The following ZNF804A variants were observed in gnomAD, a reference collection of about 807,000 sequenced individuals.
ZNF804A encodes zinc finger protein 804A.
In ZNF804A, 2 loss-of-function variants were observed where a neutral mutation model predicts 16.5. The ratio of observed to expected loss-of-function variants is 0.12; its 90% confidence interval spans 0.05 to 0.38. The LOEUF (loss-of-function observed/expected upper bound fraction) is 0.38, where lower values mean the gene tolerates loss of function less well. ZNF804A is among the 10% of genes least tolerant of loss of function. The probability of loss-of-function intolerance (pLI) is 0.99; values close to 1 mark genes in which losing one functional copy is unlikely to be tolerated. For synonymous variants in ZNF804A, 534 were observed against 489.6 expected, an observed-to-expected ratio of 1.09 and a Z score of -1.20; for missense variants, 1,473 against 1,390.7, an observed-to-expected ratio of 1.06 and a Z score of -0.94.
At chr2:184,620,594 T>C (rs933663424) in intron 1 of ZNF804A, among the ~76,000 whole-genome samples, 3 of 151,778 alleles carry the variant, frequency 2.0e-5, no homozygotes, top group African/African-American at 7.2e-5. Context: ...TGGTAATTTC[T>C]TAGTCATCAG....
chr2:184,694,070 A>C (rs527295098), intron 1 of ZNF804A, among the ~76,000 whole-genome samples: 117 of 151,714 alleles, frequency 7.7e-4, no homozygotes, highest in African/African-American at 2.7e-3. Context: ...CTGGGATTAC[A>C]GGTGTGTGTG....
At chr2:184,766,502 T>A (rs1440593255) in intron 1 of ZNF804A, among the ~76,000 whole-genome samples, 1 of 151,834 alleles carries the variant, frequency 6.6e-6, no homozygotes, top group Non-Finnish European at 1.5e-5. Flanking sequence ...TGTTTTAGAG[T>A]GAATATATAA....
chr2:184,915,542 C>A (rs1267542857), intron 2 of ZNF804A, among the ~76,000 whole-genome samples: 5 of 152,082 alleles, frequency 3.3e-5, no homozygotes, highest in African/African-American at 1.2e-4. Context: ...TTAATCACTG[C>A]CATCCTATGT....
intron 1 of ZNF804A, among the ~76,000 whole-genome samples, chr2:184,815,331 C>T (rs2105788541): frequency 6.6e-6 from 1 of 151,856 alleles, no homozygotes; most frequent in Admixed American, 6.6e-5. Context: ...AAAAATAAAG[C>T]CCTCACTTGG....
intron 1 of ZNF804A, among the ~76,000 whole-genome samples, chr2:184,699,649 A>G (rs751102590): frequency 1.3e-5 from 2 of 152,114 alleles, no homozygotes; most frequent in Non-Finnish European, 2.9e-5. Flanking sequence ...CATGATTGTC[A>G]TATAAAATAT....
intron 1 of ZNF804A, among the ~76,000 whole-genome samples, chr2:184,732,501 T>A (rs912879603): frequency 2.0e-5 from 3 of 152,154 alleles, no homozygotes; most frequent in Non-Finnish European, 4.4e-5. Flanking sequence ...TCTTTATTAC[T>A]GTGTTGGCTA....
At chr2:184,771,785 G>A (rs2105768942) in intron 1 of ZNF804A, among the ~76,000 whole-genome samples, 1 of 152,000 alleles carries the variant, frequency 6.6e-6, no homozygotes, top group African/African-American at 2.4e-5. Context: ...TTACGATGAT[G>A]CCCACTTGCT....
intron 1 of ZNF804A, among the ~76,000 whole-genome samples, chr2:184,782,884 C>T (rs539387816): frequency 3.2e-4 from 48 of 150,128 alleles, no homozygotes; most frequent in African/African-American, 1.1e-3. Flanking sequence ...TAGCATGCTC[C>T]CCATGATGGC....
At chr2:184,615,896 C>T (rs1003734950) in intron 1 of ZNF804A, among the ~76,000 whole-genome samples, 1 of 152,104 alleles carries the variant, frequency 6.6e-6, no homozygotes, top group Non-Finnish European at 1.5e-5. Flanking sequence ...CTAACATCAT[C>T]AGTGAAAAGT....
intron 1 of ZNF804A, among the ~76,000 whole-genome samples, chr2:184,723,404 A>T (rs534575918): frequency 1.1e-3 from 168 of 151,696 alleles, no homozygotes; most frequent in African/African-American, 3.3e-3. Context: ...AAAATGTTTA[A>T]TTTTTTTTAA....
intron 1 of ZNF804A, among the ~76,000 whole-genome samples, chr2:184,690,598 G>A (rs1692711603): frequency 6.6e-6 from 1 of 151,984 alleles, no homozygotes; most frequent in Non-Finnish European, 1.5e-5. Context: ...CTGAAATCAA[G>A]AGAGGGGAAC....
chr2:184,795,611 C>A (rs1314733322), intron 1 of ZNF804A, among the ~76,000 whole-genome samples: 1 of 151,870 alleles, frequency 6.6e-6, no homozygotes, highest in Non-Finnish European at 1.5e-5. Flanking sequence ...CAAAAAGATA[C>A]AAAAGATAAA....
chr2:184,670,395 G>T (rs1370166372), intron 1 of ZNF804A, among the ~76,000 whole-genome samples: 1 of 151,496 alleles, frequency 6.6e-6, no homozygotes, highest in Non-Finnish European at 1.5e-5. Context: ...TTTTTTTCTG[G>T]AACTTTATTA....
At chr2:184,836,829 G>A (rs949842769) in intron 1 of ZNF804A, among the ~76,000 whole-genome samples, 3 of 151,468 alleles carry the variant, frequency 2.0e-5, no homozygotes, top group Non-Finnish European at 2.9e-5. Context: ...TCTCCTTAGC[G>A]TGCCATATGC....
intron 1 of ZNF804A, among the ~76,000 whole-genome samples, chr2:184,752,753 T>C (rs904782427): frequency 1.3e-5 from 2 of 151,586 alleles, no homozygotes; most frequent in African/African-American, 2.4e-5. Flanking sequence ...TGAAAAAATA[T>C]AGTCTAATTA....
intron 1 of ZNF804A, among the ~76,000 whole-genome samples, chr2:184,811,707 T>C (rs567221517): frequency 4.6e-5 from 7 of 152,092 alleles, no homozygotes; most frequent in Non-Finnish European, 8.8e-5. Flanking sequence ...CTGGGCAACA[T>C]AGTGAGACAC....
chr2:184,653,891 A>G (rs913965178), intron 1 of ZNF804A, among the ~76,000 whole-genome samples: 1 of 152,148 alleles, frequency 6.6e-6, no homozygotes, highest in Non-Finnish European at 1.5e-5. Flanking sequence ...ATTTTATTGG[A>G]AAATTGCGTC....
At chr2:184,870,605 A>C (rs1257655308) in intron 2 of ZNF804A, among the ~76,000 whole-genome samples, 1 of 152,034 alleles carries the variant, frequency 6.6e-6, no homozygotes, top group Non-Finnish European at 1.5e-5. Context: ...CAAGTCGTTC[A>C]CTGTTTCTTA....
At chr2:184,868,976 A>G (rs904490012) in intron 2 of ZNF804A, among the ~76,000 whole-genome samples, 1 of 152,062 alleles carries the variant, frequency 6.6e-6, no homozygotes, top group Non-Finnish European at 1.5e-5. Context: ...AGTATATCTA[A>G]TCTGGAAAGC....
Sources: gnomAD v4.1 joint callset for allele counts (sites outside exome capture counted in the v4.1 genomes callset) on GRCh38, gnomAD v4.1.1 for gene constraint, MANE v1.5 for transcripts, NCBI Gene and HGNC (gene_info 2026-07-23, HGNC 2026-07-21) for gene names.